The following KCTD15 variants were observed in gnomAD, a reference collection of about 807,000 sequenced individuals.
The protein encoded by KCTD15 is BTB/POZ domain-containing protein KCTD15.
Under a neutral mutation model 27.2 loss-of-function variants are expected in KCTD15, and 11 were observed. That is an observed-to-expected ratio of 0.41 (90% CI 0.25 to 0.67). The LOEUF (loss-of-function observed/expected upper bound fraction) is 0.67, where lower values mean the gene tolerates loss of function less well. Ranked by LOEUF, KCTD15 falls within the 30% of genes least tolerant of loss-of-function variation. The pLI is 0.35. For missense variants in KCTD15, 350 were observed against 409.3 expected, an observed-to-expected ratio of 0.86 and a Z score of 1.25; for synonymous variants, 163 against 176.0, an observed-to-expected ratio of 0.93 and a Z score of 0.58.
At chr19:33,803,996 G>A (rs4805059) in intron 4 of KCTD15, among the ~76,000 whole-genome samples, 62,251 of 152,014 alleles carry the variant, frequency 0.41, 13,495 homozygotes, top group Middle Eastern at 0.57. Context: ...GGAGGACTTC[G>A]GAAGCCGGCC....
upstream of KCTD15, among the ~76,000 whole-genome samples, chr19:33,794,164 T>C (rs1975259124): frequency 1.3e-5 from 2 of 152,244 alleles, no homozygotes; most frequent in Non-Finnish European, 2.9e-5. Context: ...ATTTGTCTCT[T>C]AAACAATGAC....
At chr19:33,800,594 G>GCA in intron 3 of KCTD15, 74 bp downstream of exon 3, 2 of 1,369,042 alleles carry the variant, frequency 1.5e-6, no homozygotes, top group Non-Finnish European at 2.0e-6. Context: ...CTGTTTACTG[G>GCA]CTGTCCTTCC....
rs751185346 is a variant in KCTD15 at position 33,797,247 on chromosome 19, GGTGTGT to G, written c.-127+292_-127+297del. 6.8e-3 allele frequency among the ~76,000 whole-genome samples: 816 copies of G among 120,740 alleles called. 3 individuals are homozygous for G. Among genetic ancestry groups the G allele is most frequent in the African/African-American group, 0.02 (636 of 31,858 alleles). The allele number at this position is 120,740 out of a possible 152,430, so 79.2% of individuals were successfully genotyped here. On this transcript the variant is annotated intron_variant, in intron 1 of 6. Coordinates refer to ENST00000683859, the MANE Select transcript of KCTD15 (RefSeq NM_001129994.2). ...GCGGTCTCGGAGCTTCCTGCCGCGC[GGTGTGT>G]GTGTGTGTGTGTGTGTGTGTGTGTG...
intron 5 of KCTD15, among the ~76,000 whole-genome samples, chr19:33,807,703 G>A (rs1599682626): frequency 6.6e-6 from 1 of 152,160 alleles, no homozygotes; most frequent in East Asian, 1.9e-4. Flanking sequence ...CTGGGCGACA[G>A]AGCAAGACTC....
intron 5 of KCTD15, 56 bp from the exon 6 acceptor site, chr19:33,811,191 T>TCCCCCCCCCCCCCCACACCCC: frequency 1.6e-6 from 1 of 615,000 alleles, no homozygotes; most frequent in Non-Finnish European, 2.5e-6. Context: ...CTCTCCCCCT[T>TCCCCCCCCCCCCCCACACCCC]CCCCCACCAC....
intron 1 of KCTD15, chr19:33,797,290 G>GCC (rs1568374259): frequency 2.1e-5 from 6 of 286,688 alleles, no homozygotes; most frequent in Admixed American, 1.0e-4. Context: ...GTGTGCGCGC[G>GCC]CGCGCGCGCG....
rs1568384779 is a variant in KCTD15 at position 33,813,126 on chromosome 19, GC to G, written c.*179del. ...GGCAACAGAACGTGGGATGCTGGAGGCATGCCTGCAGAAGGACTGTTGATGC... is the reference window on the plus strand; with the variant it reads ...GGCAACAGAACGTGGGATGCTGGAGGATGCCTGCAGAAGGACTGTTGATGC... On this transcript the variant is annotated 3_prime_UTR_variant, in exon 7 of 7. Transcript: ENST00000683859. The G allele has an allele frequency of 1.5e-6, 1 of 657,958 alleles. No individual in the cohort carries two copies. Among genetic ancestry groups the G allele is most frequent in the East Asian group, 2.7e-5 (1 of 36,770 alleles). 40.8% of individuals were successfully genotyped at this position (657,958 alleles called of 1,614,324 possible). A position where few individuals can be genotyped will look rare whatever the true frequency, so the allele number is the denominator to read the frequency against.
chr19:33,811,728 G>C, intron 6 of KCTD15, 176 bp downstream of exon 6: 1 of 1,565,512 alleles, frequency 6.4e-7, no homozygotes. Context: ...ATAATTAAAT[G>C]ATGGCGCCTG....
intron 4 of KCTD15, among the ~76,000 whole-genome samples, chr19:33,804,188 G>A (rs944241164): frequency 3.9e-5 from 6 of 152,344 alleles, no homozygotes; most frequent in African/African-American, 1.4e-4. Flanking sequence ...AGACGCTGAG[G>A]GCATGAAAGG....
rs1976001922 is a variant in KCTD15, at chr19:33,813,539, A to G, written c.*591A>G. ...GGGCTGGGGCTCTCGGGACAGATGCAGGGATGTGTGCTGCAGGGCTGCTGG... is the reference window on the plus strand; with the variant it reads ...GGGCTGGGGCTCTCGGGACAGATGCGGGGATGTGTGCTGCAGGGCTGCTGG... On this transcript the variant is annotated 3_prime_UTR_variant, in exon 7 of 7. Transcript: ENST00000683859. The G allele has an allele frequency of 2.6e-6, 1 of 390,470 alleles. No individual in the cohort carries two copies. Among genetic ancestry groups the G allele is most frequent in the Admixed American group, 3.0e-5 (1 of 33,056 alleles). 24.2% of individuals were successfully genotyped at this position (390,470 alleles called of 1,614,324 possible).
In KCTD15 at chr19:33,811,537, G is replaced by T. The variant is rs747020512; in HGVS notation, c.678G>T (p.Arg226=). 51 of 1,605,918 alleles carry T rather than the reference G, an allele frequency of 3.2e-5. No individual in the cohort carries two copies. Among genetic ancestry groups the T allele is most frequent in the Admixed American group, 6.7e-5 (4 of 59,798 alleles). ...GCTTCCCGCTCAATGGCTACTGCCG[G>T]CTCAACTCGGTACAGGTGAGGGCTG... ...VIRFPLNGYC[R]LNSVQVLERL... The change falls in exon 6 of 7, where the codon CGG becomes CGT. Residue 226 remains arginine, a synonymous_variant. Coordinates refer to ENST00000683859, the MANE Select transcript of KCTD15 (RefSeq NM_001129994.2).
At chr19:33,794,959 G>C (rs1485379573), upstream of KCTD15, among the ~76,000 whole-genome samples, 1 of 152,206 alleles carries the variant, frequency 6.6e-6, no homozygotes, top group Non-Finnish European at 1.5e-5. Flanking sequence ...CGGAGGTACC[G>C]GGGCGTAGGG....
At chr19:33,798,049 T>G (rs1321592653) in intron 1 of KCTD15, among the ~76,000 whole-genome samples, 8 of 151,848 alleles carry the variant, frequency 5.3e-5, no homozygotes, top group Non-Finnish European at 1.5e-5. Flanking sequence ...CCGTCGCCCC[T>G]AAGTTCACAC....
chr19:33,799,668 C>T (rs891732704), intron 2 of KCTD15: 2 of 152,552 alleles, frequency 1.3e-5, no homozygotes, highest in Non-Finnish European at 2.9e-5. Context: ...GGCTGATCTG[C>T]TTGCTCTGTG....
At position 33,812,185 on chromosome 19, in the gene KCTD15, G is replaced by A. The variant is rs1327003103; in HGVS notation, c.694-605G>A. On this transcript the variant is annotated intron_variant, in intron 6 of 6. Coordinates refer to ENST00000683859, the MANE Select transcript of KCTD15 (RefSeq NM_001129994.2). ...TCAGAACTTGCTAGTTGCAGGAGACGGGTGTTACACGCAGTCATCAGACCT... is the reference window on the plus strand; with the variant it reads ...TCAGAACTTGCTAGTTGCAGGAGACAGGTGTTACACGCAGTCATCAGACCT... The A allele has an allele frequency of 1.1e-4, 122 of 1,138,460 alleles. 1 individual carries two copies. The East Asian group carries it at 5.6e-3, about 52-fold the overall frequency. The allele number at this position is 1,138,460 out of a possible 1,614,324, so 70.5% of individuals were successfully genotyped here.
Position 33,800,416 on chromosome 19 carries a change from T to C in KCTD15, c.-27-12T>C. 1.3e-6 allele frequency: 2 copies of C among 1,580,082 alleles called. No individual in the cohort carries two copies. The highest frequency in any genetic ancestry group is 1.7e-6 in the Non-Finnish European group (2 of 1,162,086). ...AATAAGCCTTCTCTGGTTTTGTCGA[T>C]GCCTCCCGCAGATACTCTGGGCAGG... On this transcript the variant is annotated splice_polypyrimidine_tract_variant and intron_variant, in intron 2 of 6. Coordinates refer to ENST00000683859, the MANE Select transcript of KCTD15 (RefSeq NM_001129994.2).
chr19:33,795,427 C>T (rs1975289966), upstream of KCTD15, among the ~76,000 whole-genome samples: 2 of 151,994 alleles, frequency 1.3e-5, no homozygotes, highest in Admixed American at 6.5e-5. Context: ...AGCTCCAGGC[C>T]GACCCCGAGC....
At chr19:33,810,083 C>T (rs1195899598) in intron 5 of KCTD15, among the ~76,000 whole-genome samples, 1 of 152,178 alleles carries the variant, frequency 6.6e-6, no homozygotes. Context: ...GGCTGGGCTT[C>T]CTTGCCTCTT....
intron 4 of KCTD15, 103 bp downstream of exon 4, chr19:33,801,445 C>A: frequency 1.0e-6 from 1 of 961,166 alleles, no homozygotes; most frequent in Non-Finnish European, 1.5e-6. Flanking sequence ...ACTCCACCCA[C>A]CAGGGTCTCC....
Sources: allele counts gnomAD v4.1 joint callset (sites outside exome capture counted in the v4.1 genomes callset), GRCh38; gene constraint gnomAD v4.1.1; transcripts MANE v1.5; gene names NCBI Gene and HGNC (gene_info 2026-07-23, HGNC 2026-07-21).